The following EFHB variants were observed in gnomAD, a reference collection of about 807,000 sequenced individuals.
EFHB encodes EF-hand domain family member B.
Under a neutral mutation model 87.2 loss-of-function variants are expected in EFHB, and 91 were observed. That is an observed-to-expected ratio of 1.04 (90% CI 0.88 to 1.24). The LOEUF (loss-of-function observed/expected upper bound fraction) is 1.24. Among genes scored for constraint, EFHB ranks in the 50% most tolerant of loss-of-function variants. The pLI is 0.00. For missense variants in EFHB, 1,084 were observed against 998.8 expected (o/e 1.09, Z -1.15); for synonymous variants, 325 against 333.6 (o/e 0.97, Z 0.28).
Position 19,884,601 on chromosome 3 carries a change from A to C in EFHB, c.1948T>G (p.Cys650Gly). ...ACATTAGCCTCAGTAGGGTTTACAC[A>C]ATCTGGTTTTCTACCTTTAAGGAAA... Reference protein sequence around the residue: ...RVIIKGRKPDCVNPTEANVEE... With the variant: ...RVIIKGRKPDGVNPTEANVEE... The change falls in exon 11 of 13, where the codon TGT becomes GGT. Residue 650 changes from cysteine to glycine, a missense_variant. Physicochemically the swap from Cys to Gly is radical, Grantham distance 159. Coordinates refer to ENST00000295824, the MANE Select transcript of EFHB (RefSeq NM_144715.4). The C allele has an allele frequency of 1.9e-6, 3 of 1,612,106 alleles. No individual in the cohort carries two copies. The highest frequency in any genetic ancestry group is 2.5e-6 in the Non-Finnish European group (3 of 1,179,442).
chr3:19,917,572 A>T (rs1344881787), intron 4 of EFHB, among the ~76,000 whole-genome samples: 1 of 152,188 alleles, frequency 6.6e-6, no homozygotes, highest in Non-Finnish European at 1.5e-5. Flanking sequence ...GGAGGGGATA[A>T]CCTGAAAAAG....
intron 12 of EFHB, 126 bp from the exon 13 acceptor site, chr3:19,879,930 G>A (rs1475744181): frequency 3.6e-6 from 3 of 839,220 alleles, no homozygotes; most frequent in Non-Finnish European, 5.3e-6. Context: ...GTATGTGTGT[G>A]TATGTATTTG....
intron 1 of EFHB, chr3:19,940,425 A>G (rs1696129994): frequency 8.8e-6 from 4 of 456,124 alleles, no homozygotes; most frequent in South Asian, 6.5e-5. Context: ...CTTCCTTCTC[A>G]ACAGCCTGAT....
At position 19,933,774 on chromosome 3, in the gene EFHB, G is replaced by T; in HGVS notation, c.245C>A (p.Thr82Asn). ...TCCTAAACTACCCCTCTGCATGACA[G>T]TCCTAGAAATATTCTGTCTTTCTAA... ...MGLERQNISRTVMQRGSLGVD... is the reference protein window; with the variant it reads ...MGLERQNISRNVMQRGSLGVD... The change falls in exon 1 of 13, where the codon ACT becomes AAT. Residue 82 changes from threonine (T) to asparagine (N), a missense_variant. Thr to Asn is a moderately conservative substitution (Grantham distance 65). Transcript: ENST00000295824. 1 of 1,614,000 alleles carries T rather than the reference G, an allele frequency of 6.2e-7. No homozygotes were observed. Among genetic ancestry groups the T allele is most frequent in the Non-Finnish European group, 8.5e-7 (1 of 1,179,890 alleles).
chr3:19,901,269 T>C lies in EFHB; in HGVS notation c.1419-1754A>G, dbSNP rs1400943090. 4.9e-4 allele frequency among the ~76,000 whole-genome samples: 75 copies of C among 152,264 alleles called. 1 individual carries two copies. The highest frequency in any genetic ancestry group is 4.4e-3 in the Admixed American group (67 of 15,288). On this transcript the variant is annotated intron_variant, in intron 6 of 12. Coordinates refer to ENST00000295824, the MANE Select transcript of EFHB (RefSeq NM_144715.4). ...ATGAGCGATTTTATTTTGCCAGTTT[T>C]CTGTAAAATAATTTTGTTACTTCTA...
At chr3:19,887,834 T>C (rs111433521) in intron 10 of EFHB, among the ~76,000 whole-genome samples, 2 of 152,334 alleles carry the variant, frequency 1.3e-5, no homozygotes, top group African/African-American at 2.4e-5. Context: ...TAAAATCTAA[T>C]TTTATGTCAA....
At chr3:19,930,781 T>G (rs574784371) in intron 1 of EFHB, among the ~76,000 whole-genome samples, 4 of 152,070 alleles carry the variant, frequency 2.6e-5, no homozygotes, top group Non-Finnish European at 5.9e-5. Flanking sequence ...TTTTCTTTTT[T>G]GTATAGGCAG....
intron 6 of EFHB, among the ~76,000 whole-genome samples, chr3:19,901,311 A>C (rs1694661972): frequency 6.6e-6 from 1 of 152,244 alleles, no homozygotes; most frequent in African/African-American, 2.4e-5. Flanking sequence ...TGATTAAATG[A>C]ATAAAATTTC....
At chr3:19,930,497 C>T (rs955098612) in intron 1 of EFHB, among the ~76,000 whole-genome samples, 2 of 152,134 alleles carry the variant, frequency 1.3e-5, no homozygotes, top group Admixed American at 6.6e-5. Flanking sequence ...TAGCTTTCTC[C>T]GATTCTAATA....
intron 1 of EFHB, among the ~76,000 whole-genome samples, chr3:19,941,855 CA>C (rs74521089): frequency 5.4e-3 from 512 of 94,906 alleles, no homozygotes; most frequent in Middle Eastern, 8.2e-3. Context: ...GAGACTCCAT[CA>C]AAAAAAAAAA....
In EFHB at chr3:19,884,558, G is replaced by C; in HGVS notation, c.1991C>G (p.Thr664Ser). ...AATATCTTCTGGCTTTATGAGGAGAGTTTGTTCAGGTTCTTCAACATTAGC... is the reference window on the plus strand; with the variant it reads ...AATATCTTCTGGCTTTATGAGGAGACTTTGTTCAGGTTCTTCAACATTAGC... ...TEANVEEPEQ[T>S]LLIKPEDIVL... is the part of the protein sequence containing the mutation. The change falls in exon 11 of 13, where the codon ACT becomes AGT. Residue 664 changes from threonine (T) to serine (S), a missense_variant. Physicochemically the swap from Thr to Ser is moderately conservative, Grantham distance 58 (BLOSUM62 1). Coordinates refer to ENST00000295824, the MANE Select transcript of EFHB (RefSeq NM_144715.4). 1.2e-6 allele frequency: 2 copies of C among 1,613,970 alleles called. No homozygotes were observed. The highest frequency in any genetic ancestry group is 1.7e-6 in the Non-Finnish European group (2 of 1,179,882).
rs1695384491 is a variant in EFHB, at chr3:19,920,064, TA to T, written c.853-89del. On this transcript the variant is annotated intron_variant, in intron 2 of 12. Coordinates refer to ENST00000295824, the MANE Select transcript of EFHB (RefSeq NM_144715.4). The stretch of plus-strand genomic sequence containing the variant: ...ATCTATACCAATCAACCAACAACCT[TA>T]AGTGCATGTATGTAGTAAATGCATT... 1.6e-5 allele frequency: 22 copies of T among 1,369,778 alleles called. No individual in the cohort carries two copies. In the South Asian group the frequency reaches 2.6e-4, roughly 16 times the overall value. The allele number at this position is 1,369,778 out of a possible 1,614,324, so 84.9% of individuals were successfully genotyped here.
upstream of EFHB, among the ~76,000 whole-genome samples, chr3:19,934,783 G>C (rs1281320876): frequency 2.0e-5 from 3 of 152,102 alleles, no homozygotes; most frequent in East Asian, 5.8e-4. Context: ...CCTGCATGTA[G>C]TTATTTTAGT....
chr3:19,915,185 G>C (rs1695185125), intron 5 of EFHB, 118 bp downstream of exon 5: 4 of 630,830 alleles, frequency 6.3e-6, no homozygotes, highest in Non-Finnish European at 1.1e-5. Context: ...GAATAATATT[G>C]TATTAGTTAC....
intron 5 of EFHB, among the ~76,000 whole-genome samples, chr3:19,908,175 T>C (rs1419437166): frequency 6.6e-6 from 1 of 152,110 alleles, no homozygotes; most frequent in Non-Finnish European, 1.5e-5. Flanking sequence ...AAAATGTATA[T>C]ATGATGTGGA....
rs762650890 is a variant in EFHB at position 19,918,232 on chromosome 3, C to T, written c.1177G>A (p.Glu393Lys). The T allele has an allele frequency of 3.2e-5, 50 of 1,563,464 alleles. No individual in the cohort carries two copies. The highest frequency in any genetic ancestry group is 2.2e-5 in the Non-Finnish European group (25 of 1,160,916). ...NTTFGTAVIK[E>K]YSAKDVVNPP... ...CACCCCTTATTTTTTTTTTTACTACCTTTGATGACTGCTGTCCCAAATGTC... is the reference window on the plus strand; with the variant it reads ...CACCCCTTATTTTTTTTTTTACTACTTTTGATGACTGCTGTCCCAAATGTC... The change falls in exon 4 of 13, where the codon GAA becomes AAA. Residue 393 changes from glutamate to lysine, a missense_variant and splice_region_variant. Coordinates refer to ENST00000295824, the MANE Select transcript of EFHB (RefSeq NM_144715.4).
intron 5 of EFHB, among the ~76,000 whole-genome samples, chr3:19,907,043 A>AT (rs1293143021): frequency 1.3e-5 from 2 of 150,776 alleles, no homozygotes; most frequent in African/African-American, 4.9e-5. Context: ...CTAAAAATAG[A>AT]TTAAAAAAAA....
At chr3:19,937,236 T>C (rs974765254), upstream of EFHB, among the ~76,000 whole-genome samples, 1 of 152,164 alleles carries the variant, frequency 6.6e-6, no homozygotes, top group Non-Finnish European at 1.5e-5. Flanking sequence ...TCTCCTTAGT[T>C]CTTTTTTTAT....
intron 11 of EFHB, among the ~76,000 whole-genome samples, chr3:19,883,984 C>T (rs529346443): frequency 3.3e-5 from 5 of 152,326 alleles, no homozygotes; most frequent in African/African-American, 1.2e-4. Flanking sequence ...TTTGATACAG[C>T]AGCCCCAGCA....
Sources: allele counts gnomAD v4.1 joint callset (sites outside exome capture counted in the v4.1 genomes callset), GRCh38; gene constraint gnomAD v4.1.1; transcripts MANE v1.5; gene names NCBI Gene and HGNC (gene_info 2026-07-23, HGNC 2026-07-21).